Variants in RELCH observed in about 807,000 individuals in gnomAD.
RELCH encodes the protein RAB11-binding protein RELCH.
RELCH carries 41 observed loss-of-function variants against 150.3 expected under a neutral mutation model. The ratio of observed to expected loss-of-function variants is 0.27; its 90% CI spans 0.21 to 0.35. RELCH has a LOEUF of 0.35. Ranked by LOEUF, RELCH falls within the 10% of genes least tolerant of loss-of-function variation. The pLI is 1.00. For synonymous variants in RELCH, 478 were observed against 531.8 expected, an observed-to-expected ratio of 0.90 and a Z score of 1.39; for missense variants, 1,092 against 1,467.8, an observed-to-expected ratio of 0.74 and a Z score of 4.18.
At chr18:62,303,258 C>T (rs1304374059) in intron 28 of RELCH, among the ~76,000 whole-genome samples, 1 of 152,098 alleles carries the variant, frequency 6.6e-6, no homozygotes, top group Non-Finnish European at 1.5e-5. Context: ...GCCTAGGGAT[C>T]TGCATTTTCA....
intron 28 of RELCH, chr18:62,301,067 G>A (rs928211361): frequency 6.6e-6 from 1 of 152,132 alleles, no homozygotes. Flanking sequence ...ATGGTTCCAA[G>A]GATAAAGGAA....
chr18:62,257,514 CTGAG>C (rs2043047764), intron 13 of RELCH, among the ~76,000 whole-genome samples: 1 of 151,994 alleles, frequency 6.6e-6, no homozygotes, highest in South Asian at 2.1e-4. Context: ...GTGCTCTTCT[CTGAG>C]TGAAACAAAT....
chr18:62,193,452 G>C (rs1479591723), intron 1 of RELCH, among the ~76,000 whole-genome samples: 1 of 152,130 alleles, frequency 6.6e-6, no homozygotes, highest in Non-Finnish European at 1.5e-5. Flanking sequence ...AGTTTTCAAG[G>C]GGATTGCTTC....
chr18:62,255,515 T>C (rs750599615), intron 13 of RELCH, 37 bp downstream of exon 13: 2 of 1,475,668 alleles, frequency 1.4e-6, no homozygotes, highest in South Asian at 1.2e-5. Flanking sequence ...AAACTATTTT[T>C]CCAATAATAG....
At chr18:62,255,623 C>T in intron 13 of RELCH, 145 bp downstream of exon 13, 2 of 656,492 alleles carry the variant, frequency 3.0e-6, no homozygotes, top group Non-Finnish European at 5.3e-6. Context: ...AAGAGACTCA[C>T]ATTAGTACAG....
chr18:62,188,919 G>A (rs1174949699), intron 1 of RELCH, among the ~76,000 whole-genome samples: 6 of 152,054 alleles, frequency 3.9e-5, no homozygotes, highest in Non-Finnish European at 8.8e-5. Context: ...TTTAGTATGA[G>A]GCCATATATT....
chr18:62,266,707 C>T lies in RELCH; in HGVS notation c.2638C>T (p.Pro880Ser), dbSNP rs1200614369. The part of the protein sequence containing the change: ...GKIFTNTKVK[P>S]QFQEILRLSE... ...TTCTCTTTGGGTTGCTTAGGTAAAA[C>T]CTCAGTTCCAGGAGATTTTAAGACT... Residue 880 changes from proline to serine, a missense_variant, in exon 19 of 29, where the codon CCT (proline) becomes TCT (serine). Pro to Ser is a moderately conservative substitution (Grantham distance 74). Coordinates refer to ENST00000644646, the MANE Select transcript of RELCH (RefSeq NM_001346231.2). 2 of 1,602,110 alleles carry T rather than the reference C, an allele frequency of 1.2e-6. No homozygotes were observed. Among genetic ancestry groups the T allele is most frequent in the East Asian group, 2.2e-5 (1 of 44,460 alleles).
chr18:62,262,430 C>T (rs912078967), intron 16 of RELCH, among the ~76,000 whole-genome samples: 3 of 151,780 alleles, frequency 2.0e-5, no homozygotes, highest in African/African-American at 7.3e-5. Flanking sequence ...AGAACATCAA[C>T]AGACAATCTT....
intron 20 of RELCH, among the ~76,000 whole-genome samples, chr18:62,269,228 G>A (rs150239061): frequency 2.1e-3 from 321 of 152,188 alleles, no homozygotes; most frequent in African/African-American, 7.5e-3. Context: ...TCCATGATAA[G>A]TTTTTCATAG....
intron 10 of RELCH, among the ~76,000 whole-genome samples, chr18:62,238,251 T>A (rs2041973528): frequency 6.6e-6 from 1 of 151,978 alleles, no homozygotes; most frequent in South Asian, 2.1e-4. Flanking sequence ...TCTACTGGCC[T>A]TGGGTTTAGT....
intron 10 of RELCH, among the ~76,000 whole-genome samples, chr18:62,233,054 T>G (rs2041677428): frequency 6.6e-6 from 1 of 151,896 alleles, no homozygotes; most frequent in African/African-American, 2.4e-5. Context: ...CAAATATATT[T>G]GACTCCACAT....
At chr18:62,241,144 C>T (rs1432926536) in intron 10 of RELCH, among the ~76,000 whole-genome samples, 2 of 152,158 alleles carry the variant, frequency 1.3e-5, no homozygotes, top group Non-Finnish European at 2.9e-5. Context: ...ACCAGCAACT[C>T]TTTGTCTCCT....
chr18:62,273,458 G>A lies in RELCH; in HGVS notation c.2761-522G>A, dbSNP rs369555664. Among the ~76,000 whole-genome samples the A allele has an allele frequency of 5.3e-4, 81 of 152,010 alleles. 1 individual carries two copies. Among genetic ancestry groups the A allele is most frequent in the East Asian group, 3.5e-3 (18 of 5,172 alleles). ...AATTTTCTACTATTTTTTCTACAAC[G>A]GGGTAACTATTCTAGTAGTTTGTAT... is the stretch of plus-strand genomic sequence containing the variant. On this transcript the variant is annotated intron_variant, in intron 20 of 28. Coordinates refer to ENST00000644646, the MANE Select transcript of RELCH (RefSeq NM_001346231.2).
intron 19 of RELCH, among the ~76,000 whole-genome samples, chr18:62,267,484 A>ATGTGTGTGTGTGTG (rs36203741): frequency 5.2e-5 from 7 of 135,806 alleles, no homozygotes; most frequent in African/African-American, 1.9e-4. Flanking sequence ...CTAGGTATAT[A>ATGTGTGTGTGTGTG]TGTGTGTGTG....
intron 15 of RELCH, among the ~76,000 whole-genome samples, chr18:62,259,154 T>G (rs2043135681): frequency 6.6e-6 from 1 of 152,014 alleles, no homozygotes; most frequent in Non-Finnish European, 1.5e-5. Context: ...GAAATGTTGA[T>G]GGAACAATAG....
chr18:62,305,803 A>C lies in RELCH; in HGVS notation c.*269A>C, dbSNP rs1034534363. 1.2e-5 allele frequency: 2 copies of C among 173,522 alleles called. No individual in the cohort carries two copies. Among genetic ancestry groups the C allele is most frequent in the Non-Finnish European group, 1.2e-5 (1 of 82,944 alleles). 10.7% of individuals were successfully genotyped at this position (173,522 alleles called of 1,614,324 possible). On this transcript the variant is annotated 3_prime_UTR_variant, in exon 29 of 29. Coordinates refer to ENST00000644646, the MANE Select transcript of RELCH (RefSeq NM_001346231.2). The surrounding 1 kb of genome is among the most constrained non-coding windows in gnomAD (Gnocchi z 4.0). ...TGTCTTTCAGAATAATTTTTATATA[A>C]ATATATATATAGTGAAGAAGTTTTT... is the stretch of plus-strand genomic sequence containing the variant.
intron 2 of RELCH, among the ~76,000 whole-genome samples, chr18:62,218,721 T>C (rs1568330719): frequency 1.3e-5 from 2 of 151,986 alleles, no homozygotes; most frequent in African/African-American, 2.4e-5. Context: ...TTAGTTCTAG[T>C]AAAATTGTAT....
intron 1 of RELCH, among the ~76,000 whole-genome samples, chr18:62,208,807 G>T (rs899718198): frequency 3.9e-5 from 6 of 152,134 alleles, no homozygotes; most frequent in African/African-American, 1.4e-4. Context: ...ATGGCCTCCA[G>T]CTGTTCCCAC....
chr18:62,265,050 A>C (rs1044333279), intron 18 of RELCH, among the ~76,000 whole-genome samples, 198 bp downstream of exon 18: 2 of 152,102 alleles, frequency 1.3e-5, no homozygotes, highest in African/African-American at 2.4e-5. Flanking sequence ...AAGATGATTT[A>C]GCCTAAGCTT....
Sources: gnomAD v4.1 joint callset for allele counts (sites outside exome capture counted in the v4.1 genomes callset) on GRCh38, gnomAD v4.1.1 for gene constraint, Gnocchi (gnomAD v3.1) non-coding constraint, MANE v1.5 for transcripts, NCBI Gene and HGNC (gene_info 2026-07-23, HGNC 2026-07-21) for gene names.